NEDD1: variants seen among roughly 807,000 people sequenced by gnomAD.
The protein encoded by NEDD1 is protein NEDD1.
Under a neutral mutation model 74.0 loss-of-function variants are expected in NEDD1, and 33 were observed. The observed-to-expected ratio is 0.45, with a 90% CI of 0.34 to 0.60. The LOEUF is 0.60. Ranked by LOEUF, NEDD1 falls within the 20% of genes least tolerant of loss-of-function variation. NEDD1 has a pLI of 0.01. For synonymous variants in NEDD1, 250 were observed against 264.4 expected, an observed-to-expected ratio of 0.95 and a Z score of 0.53; for missense variants, 746 against 776.5, an observed-to-expected ratio of 0.96 and a Z score of 0.47.
At chr12:96,950,329 T>C (rs1878598242) in intron 14 of NEDD1, among the ~76,000 whole-genome samples, 1 of 152,020 alleles carries the variant, frequency 6.6e-6, no homozygotes, top group East Asian at 1.9e-4. Flanking sequence ...TGACATCCAT[T>C]GATAACTACC....
intron 7 of NEDD1, among the ~76,000 whole-genome samples, chr12:96,935,868 A>G (rs1200624092): frequency 6.6e-6 from 1 of 152,224 alleles, no homozygotes; most frequent in Non-Finnish European, 1.5e-5. Flanking sequence ...ATACAGTTGT[A>G]TTCAAGATGC....
intron 4 of NEDD1, among the ~76,000 whole-genome samples, chr12:96,916,637 T>G (rs2136521685): frequency 6.7e-6 from 1 of 150,096 alleles, no homozygotes; most frequent in East Asian, 1.9e-4. Flanking sequence ...TGCCACATTT[T>G]CTTAATCCAG....
chr12:96,909,915 A>ACC lies in NEDD1; in HGVS notation c.136+20_136+21insCC, dbSNP rs776137409. On this transcript the variant is annotated intron_variant, in intron 3 of 15. Coordinates refer to ENST00000266742, the MANE Select transcript of NEDD1 (RefSeq NM_152905.4). Reference sequence around the variant, plus strand: ...GCAATAGTATCCTTTAAAAAAAAAAAACACACACACACACACACAAACCGC... The same window carrying ACC: ...GCAATAGTATCCTTTAAAAAAAAAAACCACACACACACACACACACAAACCGC... The ACC allele has an allele frequency of 1.5e-6, 2 of 1,343,562 alleles. No individual in the cohort carries two copies. Among genetic ancestry groups the ACC allele is most frequent in the African/African-American group, 1.5e-5 (1 of 68,322 alleles). The allele number at this position is 1,343,562 out of a possible 1,614,324, so 83.2% of individuals were successfully genotyped here. A position where few individuals can be genotyped will look rare whatever the true frequency, so the allele number is the denominator to read the frequency against.
chr12:96,950,196 A>G (rs1027740059), intron 14 of NEDD1, among the ~76,000 whole-genome samples: 1 of 149,756 alleles, frequency 6.7e-6, no homozygotes, highest in Non-Finnish European at 1.5e-5. Context: ...TCAACTTCAC[A>G]ATTAATCAGA....
rs1592895054 is a variant in NEDD1, at chr12:96,929,510, A to G, written c.490-5466A>G. 2.0e-5 allele frequency among the ~76,000 whole-genome samples: 3 copies of G among 149,622 alleles called. No homozygotes were observed. The South Asian group carries it at 6.3e-4, about 32-fold the overall frequency. On this transcript the variant is annotated intron_variant, in intron 6 of 15. Coordinates refer to ENST00000266742, the MANE Select transcript of NEDD1 (RefSeq NM_152905.4). ...CTGAACTTCTAGACAAAAGGAGGTC[A>G]AAGTGGCTTTTCTAACTTCACAGAG...
chr12:96,953,748 C>T lies in NEDD1; in HGVS notation c.*1695C>T, dbSNP rs1163231307. On this transcript the variant is annotated 3_prime_UTR_variant, in exon 16 of 16. Transcript: ENST00000266742. The stretch of plus-strand genomic sequence containing the variant: ...CAAAATGATATGAGAGATTTACCTT[C>T]CCACCTGAAATTAAAAAAGAAAATA... The T allele has an allele frequency of 6.6e-6, 1 of 151,766 alleles. No homozygotes were observed. Among genetic ancestry groups the T allele is most frequent in the Non-Finnish European group, 1.5e-5 (1 of 67,802 alleles). The allele number at this position is 151,766 out of a possible 1,614,324, so 9.4% of individuals were successfully genotyped here.
At chr12:96,909,661 G>C (rs984742354) in intron 2 of NEDD1, 91 bp from the exon 3 acceptor site, 21 of 1,006,216 alleles carry the variant, frequency 2.1e-5, no homozygotes, top group Non-Finnish European at 3.0e-6. Context: ...GAATGAGTTA[G>C]AGCCACTTGT....
chr12:96,920,067 T>C lies in NEDD1; in HGVS notation c.431T>C (p.Ile144Thr). 6.2e-7 allele frequency: 1 copy of C among 1,605,780 alleles called. No individual in the cohort carries two copies. The highest frequency in any genetic ancestry group is 8.5e-7 in the Non-Finnish European group (1 of 1,172,836). ...TCTGGATCTCTTAGTGGTGAAATTA[T>C]TTTACACAGTGTAACCACTAATTTA... is the stretch of plus-strand genomic sequence containing the variant. ...IASGSLSGEI[I>T]LHSVTTNLSS... Residue 144 changes from isoleucine to threonine, a missense_variant, in exon 6 of 16, where the codon ATT becomes ACT. Physicochemically the swap from Ile to Thr is moderately conservative, Grantham distance 89. Coordinates refer to ENST00000266742, the MANE Select transcript of NEDD1 (RefSeq NM_152905.4).
chr12:96,921,775 ATTT>A (rs372584752), intron 6 of NEDD1, among the ~76,000 whole-genome samples: 2 of 140,732 alleles, frequency 1.4e-5, no homozygotes, highest in African/African-American at 2.7e-5. Flanking sequence ...AGCCTGGCTA[ATTT>A]TTTTTTTTTT....
intron 4 of NEDD1, among the ~76,000 whole-genome samples, chr12:96,916,595 T>G (rs945240048): frequency 6.8e-6 from 1 of 147,984 alleles, no homozygotes; most frequent in African/African-American, 2.5e-5. Flanking sequence ...TCATCATTTT[T>G]TATGGCTGCA....
At chr12:96,947,113 G>C (rs755375335) in intron 14 of NEDD1, among the ~76,000 whole-genome samples, 11 of 152,010 alleles carry the variant, frequency 7.2e-5, no homozygotes, top group Non-Finnish European at 2.9e-5. Flanking sequence ...AATTGTTTTT[G>C]TTGTGCTCTG....
At chr12:96,919,000 T>C (rs892154861) in intron 5 of NEDD1, among the ~76,000 whole-genome samples, 11 of 152,208 alleles carry the variant, frequency 7.2e-5, no homozygotes, top group Admixed American at 3.3e-4. Context: ...TGGAATATCA[T>C]AGCTATTATT....
intron 6 of NEDD1, among the ~76,000 whole-genome samples, chr12:96,920,775 A>G (rs1333746027): frequency 6.6e-6 from 1 of 152,120 alleles, no homozygotes; most frequent in Non-Finnish European, 1.5e-5. Context: ...AGTTCTTTCA[A>G]TTTTTACTTA....
chr12:96,925,523 A>AT (rs1015824590), intron 6 of NEDD1, among the ~76,000 whole-genome samples: 18 of 152,250 alleles, frequency 1.2e-4, no homozygotes, highest in African/African-American at 4.1e-4. Flanking sequence ...AAGTGGTAGC[A>AT]TTTTCTTTTG....
Position 96,909,776 on chromosome 12 carries a change from GATTTGCTTCATCAGGAGATGATATT to G in NEDD1, c.19_43del (p.Phe7LysfsTer8). 6.2e-7 allele frequency: 1 copy of G among 1,612,966 alleles called. No individual in the cohort carries two copies. The highest frequency in any genetic ancestry group is 8.5e-7 in the Non-Finnish European group (1 of 1,179,428). ...GGCGCAGTCATGCAGGAAAACCTCAGATTTGCTTCATCAGGAGATGATATTAAAATATGGGATGCTTCATCTATGA... is the reference window on the plus strand; with the variant it reads ...GGCGCAGTCATGCAGGAAAACCTCAGAAAATATGGGATGCTTCATCTATGA... On this transcript the variant is annotated frameshift_variant, in exon 3 of 16. Transcript: ENST00000266742. LOFTEE classifies it high-confidence loss of function.
At chr12:96,928,961 A>AT (rs1876039881) in intron 6 of NEDD1, among the ~76,000 whole-genome samples, 1 of 151,898 alleles carries the variant, frequency 6.6e-6, no homozygotes, top group South Asian at 2.1e-4. Context: ...AAGTGCTGGG[A>AT]TTACAGGCGT....
At position 96,907,261 on chromosome 12, in the gene NEDD1, C is replaced by T. The variant is rs1330889174; in HGVS notation, c.-301C>T. On this transcript the variant is annotated 5_prime_UTR_variant, in exon 1 of 16. Transcript: ENST00000266742. Reference sequence around the variant, plus strand: ...CCAGGCGGGAGCCGGAAGCCCAGCGCGGAGCCGGCCGCGGCCCCCTGTTGT... The same window carrying T: ...CCAGGCGGGAGCCGGAAGCCCAGCGTGGAGCCGGCCGCGGCCCCCTGTTGT... 2 of 233,248 alleles carry T rather than the reference C, an allele frequency of 8.6e-6. No homozygotes were observed. The highest frequency in any genetic ancestry group is 4.6e-5 in the African/African-American group (2 of 43,902). The allele number at this position is 233,248 out of a possible 1,614,324, so 14.4% of individuals were successfully genotyped here.
intron 6 of NEDD1, among the ~76,000 whole-genome samples, chr12:96,929,560 C>CAT (rs1238956780): frequency 5.8e-5 from 1 of 17,132 alleles, no homozygotes; most frequent in African/African-American, 7.7e-4. Flanking sequence ...CATGTATACA[C>CAT]ACACACACAC....
At position 96,953,097 on chromosome 12, in the gene NEDD1, G is replaced by A. The variant is rs967129111; in HGVS notation, c.*1044G>A. 18 of 150,640 alleles carry A rather than the reference G, an allele frequency of 1.2e-4. No homozygotes were observed. The highest frequency in any genetic ancestry group is 3.2e-3 in the Middle Eastern group (1 of 312). The allele number at this position is 150,640 out of a possible 1,614,324, so 9.3% of individuals were successfully genotyped here. The stretch of plus-strand genomic sequence containing the variant: ...TTTTAGGTTAAGTGAAGCTTGGGGG[G>A]GCTACTGACTTGGTTACCTTCTTGT... On this transcript the variant is annotated 3_prime_UTR_variant, in exon 16 of 16. Coordinates refer to ENST00000266742, the MANE Select transcript of NEDD1 (RefSeq NM_152905.4).
Sources: allele counts gnomAD v4.1 joint callset (sites outside exome capture counted in the v4.1 genomes callset), GRCh38; gene constraint gnomAD v4.1.1; transcripts MANE v1.5; gene names NCBI Gene and HGNC (gene_info 2026-07-23, HGNC 2026-07-21).